The following CSMD1 variants were observed in gnomAD, a reference collection of about 807,000 sequenced individuals.
CSMD1 encodes CUB and sushi domain-containing protein 1.
Under a neutral mutation model 417.5 loss-of-function variants are expected in CSMD1, and 213 were observed. The observed-to-expected ratio is 0.51, with a 90% CI of 0.46 to 0.57. The LOEUF is 0.57. CSMD1 is among the 20% of genes least tolerant of loss of function. The pLI is 0.00. For missense variants in CSMD1, 6,923 were observed against 4,529.7 expected (o/e 1.53, Z -15.17); for synonymous variants, 2,862 against 1,736.8 (o/e 1.65, Z -16.11).
intron 3 of CSMD1, among the ~76,000 whole-genome samples, chr8:4,274,538 A>C (rs968721889): frequency 6.6e-6 from 1 of 152,170 alleles, no homozygotes; most frequent in African/African-American, 2.4e-5. Context: ...AATTATAGTA[A>C]GAGGTCTGTG....
In CSMD1 at chr8:4,198,997, C is replaced by A. The variant is rs190141094; in HGVS notation, c.416-166898G>T. Among the ~76,000 whole-genome samples, 13 of 152,062 alleles carry A rather than the reference C, an allele frequency of 8.5e-5. No homozygotes were observed. In the East Asian group the frequency reaches 2.3e-3, roughly 27 times the overall value. ...GCTCATTTCCTCCTGTAATCCTTTG[C>A]AAATGAGCAAAGTTCACTTTCAATC... On this transcript the variant is annotated intron_variant, in intron 3 of 69. Coordinates refer to ENST00000635120, the MANE Select transcript of CSMD1 (RefSeq NM_033225.6).
intron 2 of CSMD1, among the ~76,000 whole-genome samples, chr8:4,585,236 G>A (rs1799639620): frequency 6.6e-6 from 1 of 152,138 alleles, no homozygotes; most frequent in Non-Finnish European, 1.5e-5. Flanking sequence ...GCAGAGAACT[G>A]CCATCTACAA....
chr8:3,306,649 T>TAAC (rs201655291), intron 25 of CSMD1, among the ~76,000 whole-genome samples: 9,089 of 151,738 alleles, frequency 0.06, 869 homozygotes, highest in African/African-American at 0.2. Context: ...AGAAAATTAA[T>TAAC]AACAACAATG....
intron 2 of CSMD1, among the ~76,000 whole-genome samples, chr8:4,615,545 G>C (rs895215626): frequency 2.3e-4 from 35 of 152,180 alleles, no homozygotes; most frequent in Admixed American, 6.5e-5. Flanking sequence ...TTTAGCAAAT[G>C]TGTGAGGGCC....
intron 5 of CSMD1, among the ~76,000 whole-genome samples, chr8:3,932,018 T>A (rs1228996185): frequency 6.9e-6 from 1 of 145,788 alleles, no homozygotes. Context: ...GAGAAAACAA[T>A]AATTTTGTGA....
intron 1 of CSMD1, among the ~76,000 whole-genome samples, chr8:4,918,747 C>T (rs1025506422): frequency 2.6e-5 from 4 of 152,072 alleles, no homozygotes; most frequent in African/African-American, 9.7e-5. Flanking sequence ...TTAATTTCCA[C>T]ACATATATGC....
intron 2 of CSMD1, among the ~76,000 whole-genome samples, chr8:4,444,425 A>C (rs2129731426): frequency 6.7e-6 from 1 of 150,148 alleles, no homozygotes; most frequent in East Asian, 2.0e-4. Context: ...TCAAAAATGG[A>C]CAACTTTTAG....
intron 3 of CSMD1, among the ~76,000 whole-genome samples, chr8:4,414,072 C>A (rs1219269775): frequency 1.3e-5 from 2 of 152,182 alleles, no homozygotes; most frequent in Non-Finnish European, 2.9e-5. Context: ...GTGCATCATG[C>A]ATGCTCCATG....
At chr8:3,426,833 C>A (rs907011953) in intron 12 of CSMD1, among the ~76,000 whole-genome samples, 1 of 152,062 alleles carries the variant, frequency 6.6e-6, no homozygotes, top group Non-Finnish European at 1.5e-5. Flanking sequence ...ATGTATTAGT[C>A]CATATTTGTA....
chr8:4,095,623 C>T (rs1341081958), intron 3 of CSMD1, among the ~76,000 whole-genome samples: 2 of 152,092 alleles, frequency 1.3e-5, no homozygotes, highest in Non-Finnish European at 2.9e-5. Context: ...TGCAGAGCTG[C>T]GTGTGTTATA....
At chr8:4,235,868 G>C (rs918789184) in intron 3 of CSMD1, among the ~76,000 whole-genome samples, 10 of 152,122 alleles carry the variant, frequency 6.6e-5, no homozygotes, top group Admixed American at 3.3e-4. Flanking sequence ...TTCTAACTGA[G>C]GAATAGCGGA....
intron 36 of CSMD1, among the ~76,000 whole-genome samples, 177 bp downstream of exon 36, chr8:3,187,692 T>C (rs574008551): frequency 2.8e-4 from 43 of 152,314 alleles, no homozygotes; most frequent in African/African-American, 9.9e-4. Context: ...GCTTTGTTTT[T>C]ACTCACCTGT....
intron 1 of CSMD1, among the ~76,000 whole-genome samples, chr8:4,832,541 G>C (rs1221149659): frequency 1.3e-5 from 2 of 152,118 alleles, no homozygotes; most frequent in Non-Finnish European, 1.5e-5. Flanking sequence ...GGAGGCATGA[G>C]GTATGCAAGG....
intron 12 of CSMD1, among the ~76,000 whole-genome samples, chr8:3,451,709 G>T (rs937532833): frequency 6.6e-6 from 1 of 152,256 alleles, no homozygotes; most frequent in Admixed American, 6.5e-5. Flanking sequence ...TGCTGTTTTG[G>T]TTACGGTAGC....
chr8:3,047,297 T>C (rs1355594673), intron 50 of CSMD1, among the ~76,000 whole-genome samples: 1 of 152,032 alleles, frequency 6.6e-6, no homozygotes, highest in Admixed American at 6.6e-5. Context: ...AGCCATCTCT[T>C]CTGTAGAAAT....
At chr8:4,796,692 C>T (rs182093655) in intron 1 of CSMD1, among the ~76,000 whole-genome samples, 3 of 152,300 alleles carry the variant, frequency 2.0e-5, no homozygotes, top group South Asian at 4.2e-4. Context: ...TGGACTCATC[C>T]ATTGACCATT....
At chr8:4,874,881 T>C (rs1047531888) in intron 1 of CSMD1, among the ~76,000 whole-genome samples, 2 of 139,730 alleles carry the variant, frequency 1.4e-5, no homozygotes, top group African/African-American at 6.1e-5. Flanking sequence ...ATATATAGTA[T>C]AGAGTATAGT....
intron 54 of CSMD1, among the ~76,000 whole-genome samples, chr8:2,995,611 A>G (rs973814259): frequency 1.3e-5 from 2 of 152,244 alleles, no homozygotes; most frequent in Non-Finnish European, 2.9e-5. Flanking sequence ...AGCTCGTAGC[A>G]GCATTGTTTG....
intron 7 of CSMD1, among the ~76,000 whole-genome samples, chr8:3,691,309 G>A (rs900400689): frequency 5.3e-5 from 8 of 152,042 alleles, no homozygotes; most frequent in Non-Finnish European, 8.8e-5. Context: ...GGAGGTTGCA[G>A]TGAGCCGGGA....
Sources: allele counts gnomAD v4.1 joint callset (sites outside exome capture counted in the v4.1 genomes callset), GRCh38; gene constraint gnomAD v4.1.1; transcripts MANE v1.5; gene names NCBI Gene and HGNC (gene_info 2026-07-23, HGNC 2026-07-21).